The following ADAM10 variants were observed in gnomAD, a reference collection of about 807,000 sequenced individuals.
The protein encoded by ADAM10 is disintegrin and metalloproteinase domain-containing protein 10.
A neutral mutation model predicts 90.1 loss-of-function variants in ADAM10; 17 were observed. The observed-to-expected ratio is 0.19, with a 90% CI of 0.13 to 0.28. The LOEUF is 0.28. Ranked by LOEUF, ADAM10 falls within the 10% of genes least tolerant of loss-of-function variation. The probability of loss-of-function intolerance (pLI) is 1.00; values close to 1 mark genes in which losing one functional copy is unlikely to be tolerated. For synonymous variants in ADAM10, 310 were observed against 298.6 expected (o/e 1.04, Z -0.40); for missense variants, 610 against 914.3 (o/e 0.67, Z 4.29).
At chr15:58,689,894 G>A (rs1270041614) in intron 2 of ADAM10, among the ~76,000 whole-genome samples, 5 of 141,644 alleles carry the variant, frequency 3.5e-5, no homozygotes, top group Admixed American at 1.5e-4. Flanking sequence ...GGAGGGAAGA[G>A]TACTCAACTC....
chr15:58,745,152 C>T (rs753668525), intron 1 of ADAM10, among the ~76,000 whole-genome samples: 9 of 152,206 alleles, frequency 5.9e-5, no homozygotes, highest in Non-Finnish European at 1.3e-4. Context: ...CACTGCACTC[C>T]AGCCTGGGTG....
Position 58,599,613 on chromosome 15 carries a change from G to A in ADAM10, c.2137C>T (p.Pro713Ser), listed in dbSNP as rs201001771. 5 of 1,613,194 alleles carry A rather than the reference G, an allele frequency of 3.1e-6. No individual in the cohort carries two copies. Among genetic ancestry groups the A allele is most frequent in the South Asian group, 1.1e-5 (1 of 91,072 alleles). The change falls in exon 15 of 16, where the codon CCT (proline) becomes TCT (serine). Residue 713 changes from proline (P) to serine (S), a missense_variant. Pro to Ser is a moderately conservative substitution (Grantham distance 74, BLOSUM62 -1). This residue lies in a region of ADAM10 where 150 missense variants were observed against 268.5 expected (regional missense o/e 0.56). Transcript: ENST00000260408. ...TPSSNPKLPP[P>S]KPLPGTLKRR... is the part of the protein sequence containing the mutation. ...ATATTCTTACCTGGAAGTGGTTTAG[G>A]AGGAGGCAACTTTGGATTACTACTT...
At chr15:58,611,669 T>G (rs1895442024) in intron 12 of ADAM10, 139 bp downstream of exon 12, 1 of 773,236 alleles carries the variant, frequency 1.3e-6, no homozygotes, top group Non-Finnish European at 2.1e-6. Flanking sequence ...ACATAATATA[T>G]TCATGGTTTT....
chr15:58,672,270 G>C (rs1897210112), intron 4 of ADAM10: 1 of 152,476 alleles, frequency 6.6e-6, no homozygotes, highest in South Asian at 2.1e-4. Flanking sequence ...AGGTGACTCT[G>C]TGCTTCTCTG....
chr15:58,748,623 C>A (rs1899871109), intron 1 of ADAM10: 1 of 280,504 alleles, frequency 3.6e-6, no homozygotes, highest in Non-Finnish European at 6.6e-6. Flanking sequence ...TACATCTACT[C>A]CACCTGAAAG....
At chr15:58,619,090 T>C (rs766123592) in intron 11 of ADAM10, among the ~76,000 whole-genome samples, 1 of 152,078 alleles carries the variant, frequency 6.6e-6, no homozygotes, top group Non-Finnish European at 1.5e-5. Flanking sequence ...AGATACAGAA[T>C]TAGTCTAAGT....
chr15:58,735,696 T>C (rs1238116325), intron 1 of ADAM10, among the ~76,000 whole-genome samples: 1 of 152,194 alleles, frequency 6.6e-6, no homozygotes, highest in African/African-American at 2.4e-5. Flanking sequence ...TCATTCGTGG[T>C]TGGTTTAATC....
At chr15:58,641,682 A>G (rs1021937135) in intron 7 of ADAM10, among the ~76,000 whole-genome samples, 4 of 152,204 alleles carry the variant, frequency 2.6e-5, no homozygotes, top group African/African-American at 7.2e-5. Flanking sequence ...CTATTAAACA[A>G]AAGCTTTTAT....
intron 2 of ADAM10, among the ~76,000 whole-genome samples, chr15:58,714,581 T>A (rs1380841250): frequency 6.6e-6 from 1 of 152,130 alleles, no homozygotes; most frequent in Non-Finnish European, 1.5e-5. Flanking sequence ...AGTACAATTT[T>A]ATAGGCTGGG....
At chr15:58,615,297 AC>A (rs1238544701) in intron 11 of ADAM10, among the ~76,000 whole-genome samples, 54 of 143,618 alleles carry the variant, frequency 3.8e-4, no homozygotes, top group African/African-American at 1.2e-3. Context: ...AAAAAAAAAA[AC>A]CAGAAAATAA....
At chr15:58,599,837 G>T in intron 14 of ADAM10, 113 bp from the exon 15 acceptor site, 1 of 1,107,874 alleles carries the variant, frequency 9.0e-7, no homozygotes. Context: ...AATTTTTAAA[G>T]AACATTTGTT....
Position 58,594,031 on chromosome 15 carries a change from C to T in ADAM10, c.*3516G>A, listed in dbSNP as rs1340312458. The stretch of plus-strand genomic sequence containing the variant: ...GAGATGCTGAAACTGAAGTTGTCCT[C>T]TGTGGGGCAAACCAATTGTCTTTCT... On this transcript the variant is annotated 3_prime_UTR_variant, in exon 16 of 16. Transcript: ENST00000260408. 6.6e-6 allele frequency: 1 copy of T among 152,202 alleles called. No homozygotes were observed. The highest frequency in any genetic ancestry group is 1.9e-4 in the East Asian group (1 of 5,194). 9.4% of individuals were successfully genotyped at this position (152,202 alleles called of 1,614,324 possible).
At chr15:58,688,095 A>G (rs956419444) in intron 2 of ADAM10, among the ~76,000 whole-genome samples, 3 of 152,232 alleles carry the variant, frequency 2.0e-5, no homozygotes, top group Admixed American at 6.5e-5. Flanking sequence ...GCATTGTACC[A>G]ATATCAATCT....
At chr15:58,677,969 T>C (rs780084670) in intron 4 of ADAM10, among the ~76,000 whole-genome samples, 5 of 151,918 alleles carry the variant, frequency 3.3e-5, no homozygotes, top group Non-Finnish European at 5.9e-5. Context: ...ACCAGGTAAA[T>C]AATAATTTTG....
At chr15:58,729,436 A>C (rs890236735) in intron 1 of ADAM10, among the ~76,000 whole-genome samples, 1 of 152,212 alleles carries the variant, frequency 6.6e-6, no homozygotes, top group East Asian at 1.9e-4. Flanking sequence ...AAGTGTTAGC[A>C]ATGCAGAATC....
At chr15:58,641,029 CCTT>C (rs1458096537) in intron 7 of ADAM10, 69 bp from the exon 8 acceptor site, 15 of 1,404,908 alleles carry the variant, frequency 1.1e-5, no homozygotes, top group Non-Finnish European at 1.3e-5. Flanking sequence ...TGTCTGCTCA[CCTT>C]CTTCTGCGTA....
intron 2 of ADAM10, among the ~76,000 whole-genome samples, chr15:58,685,028 G>C (rs538048058): frequency 6.6e-6 from 1 of 152,010 alleles, no homozygotes; most frequent in Non-Finnish European, 1.5e-5. Context: ...AGTAACAACA[G>C]AACTAGTTAA....
At chr15:58,697,096 G>C (rs1024205120) in intron 2 of ADAM10, among the ~76,000 whole-genome samples, 1 of 152,124 alleles carries the variant, frequency 6.6e-6, no homozygotes, top group Non-Finnish European at 1.5e-5. Context: ...GTGCCCCAAG[G>C]AGGCCTAAGT....
chr15:58,608,209 T>G (rs1282155316), intron 14 of ADAM10, among the ~76,000 whole-genome samples: 1 of 152,118 alleles, frequency 6.6e-6, no homozygotes, highest in African/African-American at 2.4e-5. Flanking sequence ...CTACCCTGCA[T>G]GAGGAGAAAA....
Sources: allele counts gnomAD v4.1 joint callset (sites outside exome capture counted in the v4.1 genomes callset), GRCh38; gene constraint gnomAD v4.1.1; regional missense constraint gnomAD v4.1.1; transcripts MANE v1.5; gene names NCBI Gene and HGNC (gene_info 2026-07-23, HGNC 2026-07-21).